Variants in WDR93 observed in about 807,000 individuals in gnomAD.
WDR93 encodes WD repeat-containing protein 93.
A neutral mutation model predicts 82.9 loss-of-function variants in WDR93; 73 were observed. The observed-to-expected ratio is 0.88, with a 90% confidence interval of 0.73 to 1.07. The LOEUF is 1.07. WDR93 is among the 50% of genes least tolerant of loss of function. WDR93 has a pLI of 0.00. For missense variants in WDR93, 738 were observed against 826.0 expected (o/e 0.89, Z 1.31); for synonymous variants, 283 against 300.1 (o/e 0.94, Z 0.59).
At chr15:89,737,546 C>G (rs1038691681) in intron 14 of WDR93, 27 bp from the exon 15 acceptor site, 1 of 1,613,736 alleles carries the variant, frequency 6.2e-7, no homozygotes, top group African/African-American at 1.3e-5. Context: ...CAGTAGAAGC[C>G]CCCCTCACCA....
chr15:89,696,439 A>C (rs550864524), intron 1 of WDR93, among the ~76,000 whole-genome samples: 1 of 152,132 alleles, frequency 6.6e-6, no homozygotes, highest in African/African-American at 2.4e-5. Context: ...TAGAGCTGTC[A>C]TAAACATTTG....
At chr15:89,728,889 G>A in intron 9 of WDR93, 134 bp from the exon 10 acceptor site, 1 of 779,018 alleles carries the variant, frequency 1.3e-6, no homozygotes, top group South Asian at 1.5e-5. Context: ...AGAATGTGAT[G>A]TGCTTCATGG....
chr15:89,729,194 G>T, intron 10 of WDR93, 101 bp downstream of exon 10: 1 of 1,134,734 alleles, frequency 8.8e-7, no homozygotes, highest in Non-Finnish European at 1.3e-6. Context: ...ACCTCGCATG[G>T]TAGGAGGGAA....
intron 1 of WDR93, among the ~76,000 whole-genome samples, chr15:89,698,083 A>G (rs1800003713): frequency 6.6e-6 from 1 of 151,490 alleles, no homozygotes; most frequent in Non-Finnish European, 1.5e-5. Flanking sequence ...ACAGGGTCTC[A>G]CCGTGTTAGC....
chr15:89,701,603 T>G, intron 1 of WDR93, 104 bp from the exon 2 acceptor site: 1 of 964,044 alleles, frequency 1.0e-6, no homozygotes, highest in Non-Finnish European at 1.5e-6. Flanking sequence ...TGCCAGTCTG[T>G]GGAATAAGCA....
chr15:89,739,373 G>C (rs1324386177), intron 16 of WDR93, among the ~76,000 whole-genome samples: 2 of 152,152 alleles, frequency 1.3e-5, no homozygotes, highest in African/African-American at 4.8e-5. Context: ...GAAAATGTTT[G>C]CCAACCCATG....
Position 89,743,325 on chromosome 15 carries a change from G to C in WDR93, c.1995G>C (p.Glu665Asp), listed in dbSNP as rs140625957. The change falls in exon 17 of 17, where the codon GAG becomes GAC. Residue 665 changes from glutamate (E) to aspartate (D), a missense_variant. By Grantham distance (45) the Glu-to-Asp change is conservative. Transcript: ENST00000268130. Reference protein sequence around the residue: ...YRKLEKNPEKEEEHWARLQRY... With the variant: ...YRKLEKNPEKDEEHWARLQRY... Reference sequence around the variant, plus strand: ...AGCTGGAGAAGAACCCAGAGAAGGAGGAGGAGCACTGGGCCCGGCTTCAGA... The same window carrying C: ...AGCTGGAGAAGAACCCAGAGAAGGACGAGGAGCACTGGGCCCGGCTTCAGA... The C allele has an allele frequency of 7.4e-6, 12 of 1,614,238 alleles. No individual in the cohort carries two copies. Among genetic ancestry groups the C allele is most frequent in the Non-Finnish European group, 1.0e-5 (12 of 1,180,044 alleles).
At chr15:89,693,592 C>G (rs975182688) in intron 1 of WDR93, among the ~76,000 whole-genome samples, 1 of 152,164 alleles carries the variant, frequency 6.6e-6, no homozygotes, top group Non-Finnish European at 1.5e-5. Context: ...CTGACATACC[C>G]AGTTTCTCAG....
intron 11 of WDR93, among the ~76,000 whole-genome samples, chr15:89,730,878 T>C (rs1047019629): frequency 6.6e-6 from 1 of 151,770 alleles, no homozygotes; most frequent in Non-Finnish European, 1.5e-5. Flanking sequence ...AGTGAGGCCC[T>C]GTCTCAAAAA....
intron 4 of WDR93, among the ~76,000 whole-genome samples, chr15:89,708,073 G>A (rs1042008635): frequency 6.6e-6 from 1 of 152,200 alleles, no homozygotes; most frequent in Non-Finnish European, 1.5e-5. Flanking sequence ...TTATAAAACT[G>A]TAGAAAATGC....
intron 12 of WDR93, 69 bp downstream of exon 12, chr15:89,731,631 A>G: frequency 6.2e-7 from 1 of 1,602,280 alleles, no homozygotes; most frequent in Non-Finnish European, 8.5e-7. Flanking sequence ...GGAGCTCTGG[A>G]ATTCCCACAG....
intron 1 of WDR93, among the ~76,000 whole-genome samples, chr15:89,700,430 C>T (rs543730904): frequency 3.4e-4 from 52 of 152,224 alleles, no homozygotes; most frequent in African/African-American, 1.2e-3. Context: ...ACCCTAGGCA[C>T]TCACACAGTC....
intron 12 of WDR93, 94 bp downstream of exon 12, chr15:89,731,656 G>T (rs771077952): frequency 4.5e-5 from 70 of 1,548,736 alleles, no homozygotes; most frequent in Non-Finnish European, 5.7e-5. Flanking sequence ...TGGGCCTTCT[G>T]TTACCTCTGT....
chr15:89,702,506 G>GT (rs1355479115), intron 2 of WDR93, among the ~76,000 whole-genome samples: 9 of 151,464 alleles, frequency 5.9e-5, no homozygotes, highest in Admixed American at 5.9e-4. Flanking sequence ...TTAGGCAAGA[G>GT]TTTTAGATGA....
chr15:89,691,697 G>A (rs1407725883), intron 1 of WDR93, among the ~76,000 whole-genome samples: 1 of 151,728 alleles, frequency 6.6e-6, no homozygotes, highest in Non-Finnish European at 1.5e-5. Flanking sequence ...TCCAGCCTGG[G>A]CGACAGAGCG....
Position 89,729,815 on chromosome 15 carries a change from G to C in WDR93, c.1210+46G>C, listed in dbSNP as rs369595308. On this transcript the variant is annotated intron_variant, in intron 11 of 16. Transcript: ENST00000268130. Reference sequence around the variant, plus strand: ...GAGTCGCCTAAGCTCAGGACTTGCAGACATGTCCTTCTCCAGCTTAGCTAA... The same window carrying C: ...GAGTCGCCTAAGCTCAGGACTTGCACACATGTCCTTCTCCAGCTTAGCTAA... The C allele has an allele frequency of 3.7e-5, 55 of 1,471,228 alleles. No homozygotes were observed. In the African/African-American group the frequency reaches 7.2e-4, roughly 19 times the overall value. The allele number at this position is 1,471,228 out of a possible 1,614,324, so 91.1% of individuals were successfully genotyped here.
At chr15:89,717,044 T>C (rs1422304993) in intron 7 of WDR93, 95 bp downstream of exon 7, 3 of 521,870 alleles carry the variant, frequency 5.7e-6, no homozygotes, top group African/African-American at 2.6e-5. Context: ...TCTTTTTCTT[T>C]CTTTTTTTTT....
intron 4 of WDR93, among the ~76,000 whole-genome samples, chr15:89,707,865 TAA>T (rs1350386274): frequency 1.3e-5 from 2 of 152,210 alleles, no homozygotes; most frequent in African/African-American, 4.8e-5. Context: ...GCTTTATTTG[TAA>T]TAGCCAAAAA....
rs1966001727 is a variant in WDR93 at position 89,712,041 on chromosome 15, C to G, written c.577C>G (p.Gln193Glu). Residue 193 changes from glutamine to glutamate, a missense_variant, in exon 5 of 17, where the codon CAA becomes GAA. Physicochemically the swap from Gln to Glu is conservative, Grantham distance 29. Transcript: ENST00000268130. Reference sequence around the variant, plus strand: ...TTGTTTTCAGGATGATACCAGCAAGCAAACTACCTGTATAAAGATGGAGAT... The same window carrying G: ...TTGTTTTCAGGATGATACCAGCAAGGAAACTACCTGTATAAAGATGGAGAT... ...AINEVDDTSK[Q>E]TTCIKMEISQ... 3 of 1,613,180 alleles carry G rather than the reference C, an allele frequency of 1.9e-6. No homozygotes were observed. Among genetic ancestry groups the G allele is most frequent in the Middle Eastern group, 1.7e-4 (1 of 6,054 alleles).
Sources: gnomAD v4.1 joint callset for allele counts (sites outside exome capture counted in the v4.1 genomes callset) on GRCh38, gnomAD v4.1.1 for gene constraint, MANE v1.5 for transcripts, NCBI Gene and HGNC (gene_info 2026-07-23, HGNC 2026-07-21) for gene names.